Variants in CDH12 observed in about 807,000 individuals in gnomAD.
The protein encoded by CDH12 is cadherin-12.
A neutral mutation model predicts 74.1 loss-of-function variants in CDH12; 41 were observed. That is an observed-to-expected ratio of 0.55 (90% CI 0.43 to 0.72). The LOEUF (loss-of-function observed/expected upper bound fraction) is 0.72. Among genes scored for constraint, CDH12 ranks in the 30% least tolerant of loss-of-function variants. The pLI is 0.00. For missense variants in CDH12, 945 were observed against 977.2 expected (o/e 0.97, Z 0.44); for synonymous variants, 399 against 355.0 (o/e 1.12, Z -1.39).
At chr5:22,515,142 T>C (rs1736752792) in intron 1 of CDH12, among the ~76,000 whole-genome samples, 1 of 152,112 alleles carries the variant, frequency 6.6e-6, no homozygotes, top group African/African-American at 2.4e-5. Context: ...GAAAAGGATA[T>C]AATACTTTTA....
At chr5:22,464,868 G>A (rs1372718893) in intron 2 of CDH12, among the ~76,000 whole-genome samples, 1 of 152,038 alleles carries the variant, frequency 6.6e-6, no homozygotes, top group South Asian at 2.1e-4. Context: ...CAGGAGTGGT[G>A]ATGGGAGCCT....
chr5:21,977,294 G>C (rs1757110356), intron 5 of CDH12, among the ~76,000 whole-genome samples: 1 of 151,980 alleles, frequency 6.6e-6, no homozygotes, highest in South Asian at 2.1e-4. Flanking sequence ...TGAAGCATAG[G>C]AAGTTTCAAG....
At chr5:22,244,410 G>A (rs574158676) in intron 3 of CDH12, among the ~76,000 whole-genome samples, 3 of 144,436 alleles carry the variant, frequency 2.1e-5, no homozygotes, top group South Asian at 2.2e-4. Flanking sequence ...CACAATAATC[G>A]CTTGAACCCA....
chr5:21,780,328 ACTTC>A, intron 11 of CDH12, among the ~76,000 whole-genome samples: 1 of 152,316 alleles, frequency 6.6e-6, no homozygotes, highest in African/African-American at 2.4e-5. Context: ...AAAGGTTCAT[ACTTC>A]CTTCCATTTT....
At chr5:22,749,656 T>C (rs111812034) in intron 1 of CDH12, among the ~76,000 whole-genome samples, 12 of 152,312 alleles carry the variant, frequency 7.9e-5, no homozygotes, top group African/African-American at 2.9e-4. Flanking sequence ...TTCAAATATC[T>C]ACTACGTATG....
chr5:22,621,854 C>T (rs1022456279), intron 1 of CDH12, among the ~76,000 whole-genome samples: 2 of 151,864 alleles, frequency 1.3e-5, no homozygotes, highest in Middle Eastern at 3.2e-3. Context: ...AATTCAGTGC[C>T]ACCCCCACTG....
At chr5:22,292,862 G>A (rs903707598) in intron 3 of CDH12, among the ~76,000 whole-genome samples, 1 of 152,116 alleles carries the variant, frequency 6.6e-6, no homozygotes, top group African/African-American at 2.4e-5. Flanking sequence ...TGGAAACAGC[G>A]AGTTCCTTTT....
intron 1 of CDH12, among the ~76,000 whole-genome samples, chr5:22,816,264 C>T (rs763914143): frequency 1.1e-3 from 171 of 152,222 alleles, no homozygotes; most frequent in Non-Finnish European, 2.0e-3. Context: ...CACCAATGAA[C>T]AGAAGAAAGA....
At chr5:21,934,887 T>C (rs138436919) in intron 6 of CDH12, among the ~76,000 whole-genome samples, 2,545 of 152,096 alleles carry the variant, frequency 0.017, 32 homozygotes, top group Non-Finnish European at 0.025. Context: ...CCCTAGTTCA[T>C]GCCATTCTCC....
intron 2 of CDH12, among the ~76,000 whole-genome samples, chr5:22,501,696 C>T (rs1736153410): frequency 6.7e-6 from 1 of 149,858 alleles, no homozygotes; most frequent in Admixed American, 6.7e-5. Context: ...GGGAATATCA[C>T]ATGAACAAAA....
At chr5:22,396,413 T>C (rs1007050932) in intron 3 of CDH12, among the ~76,000 whole-genome samples, 3 of 152,052 alleles carry the variant, frequency 2.0e-5, no homozygotes, top group Non-Finnish European at 4.4e-5. Flanking sequence ...AAAAGAAAAG[T>C]GTTCTATTAC....
At chr5:22,294,295 G>C (rs1328781181) in intron 3 of CDH12, among the ~76,000 whole-genome samples, 1 of 152,144 alleles carries the variant, frequency 6.6e-6, no homozygotes, top group African/African-American at 2.4e-5. Context: ...AGGAATCTAA[G>C]AGGCTGAAGA....
At chr5:22,018,251 T>G (rs1467707488) in intron 5 of CDH12, among the ~76,000 whole-genome samples, 1 of 152,190 alleles carries the variant, frequency 6.6e-6, no homozygotes, top group African/African-American at 2.4e-5. Flanking sequence ...TGATAAAGAC[T>G]TATGAGTGCT....
chr5:22,212,736 A>G, intron 3 of CDH12, 93 bp from the exon 4 acceptor site: 1 of 325,844 alleles, frequency 3.1e-6, no homozygotes, highest in Non-Finnish European at 4.4e-6. Context: ...ATTCTCCGTG[A>G]GCGTGCTCCG....
At chr5:22,314,939 G>GTTTTTTT (rs1340897012) in intron 3 of CDH12, among the ~76,000 whole-genome samples, 3 of 73,624 alleles carry the variant, frequency 4.1e-5, no homozygotes, top group East Asian at 4.4e-4. Flanking sequence ...CCCTGGGTTG[G>GTTTTTTT]TCTTTTTTTT....
At chr5:21,900,960 CATT>C (rs1371955506) in intron 6 of CDH12, among the ~76,000 whole-genome samples, 4 of 152,164 alleles carry the variant, frequency 2.6e-5, no homozygotes, top group African/African-American at 2.4e-5. Context: ...TATTCTTTCT[CATT>C]GTTGTTTCTG....
At chr5:21,942,493 A>G (rs1279724733) in intron 6 of CDH12, among the ~76,000 whole-genome samples, 1 of 151,492 alleles carries the variant, frequency 6.6e-6, no homozygotes, top group African/African-American at 2.4e-5. Context: ...CTAGTTACAT[A>G]ACATTATTTA....
chr5:21,909,809 G>A (rs536119649), intron 6 of CDH12, among the ~76,000 whole-genome samples: 53 of 152,204 alleles, frequency 3.5e-4, no homozygotes, highest in African/African-American at 1.2e-3. Context: ...ATGAAAAAAA[G>A]ACATGGCTTT....
intron 3 of CDH12, among the ~76,000 whole-genome samples, chr5:22,340,480 C>T (rs544110250): frequency 6.0e-5 from 9 of 150,314 alleles, no homozygotes; most frequent in East Asian, 5.9e-4. Flanking sequence ...GAGCCGAGAT[C>T]GCACCACTGC....
Sources: allele counts gnomAD v4.1 joint callset (sites outside exome capture counted in the v4.1 genomes callset), GRCh38; gene constraint gnomAD v4.1.1; transcripts MANE v1.5; gene names NCBI Gene and HGNC (gene_info 2026-07-23, HGNC 2026-07-21).